The following CLSTN2 variants were observed in gnomAD, a reference collection of about 807,000 sequenced individuals.
The protein encoded by CLSTN2 is calsyntenin 2, also known as calsyntenin-2.
A neutral mutation model predicts 101.2 loss-of-function variants in CLSTN2; 48 were observed. That is an observed-to-expected ratio of 0.47 (90% CI 0.38 to 0.60). CLSTN2 has a LOEUF of 0.60. Ranked by LOEUF, CLSTN2 falls within the 20% of genes least tolerant of loss-of-function variation. The probability of loss-of-function intolerance (pLI) is 0.00; values close to 1 mark genes in which losing one functional copy is unlikely to be tolerated. For missense variants in CLSTN2, 1,160 were observed against 1,238.2 expected (o/e 0.94, Z 0.95); for synonymous variants, 481 against 463.6 (o/e 1.04, Z -0.48).
chr3:140,183,628 TC>T lies in CLSTN2; in HGVS notation c.232+7556del, dbSNP rs554201124. Among the ~76,000 whole-genome samples the T allele has an allele frequency of 2.4e-3, 360 of 152,296 alleles. 2 individuals are homozygous for T. The Middle Eastern group carries it at 0.024, about 10-fold the overall frequency. On this transcript the variant is annotated intron_variant, in intron 2 of 16. Transcript: ENST00000458420. ...TGCCCCTTCTTATAGATGGACACTGTCTCACTCCAGAGCCCATGGCTTGGCA... is the reference window on the plus strand; with the variant it reads ...TGCCCCTTCTTATAGATGGACACTGTTCACTCCAGAGCCCATGGCTTGGCA...
intron 1 of CLSTN2, among the ~76,000 whole-genome samples, chr3:140,047,087 T>A (rs1279441771): frequency 6.6e-6 from 1 of 152,216 alleles, no homozygotes; most frequent in Non-Finnish European, 1.5e-5. Flanking sequence ...TTGTGTCACA[T>A]ATTCTTCAAG....
rs1179597063 is a variant in CLSTN2 at position 140,239,849 on chromosome 3, T to TTATG, written c.232+63788_232+63791dup. 5.3e-5 allele frequency among the ~76,000 whole-genome samples: 8 copies of TTATG among 152,116 alleles called. No individual in the cohort carries two copies. In the East Asian group the frequency reaches 9.7e-4, roughly 18 times the overall value. On this transcript the variant is annotated intron_variant, in intron 2 of 16. Transcript: ENST00000458420. ...ATGATAAAATATGAAAAAATATACATTATGTATGTATGTATATATATCTGT... is the reference window on the plus strand; with the variant it reads ...ATGATAAAATATGAAAAAATATACATTATGTATGTATGTATGTATATATATCTGT...
At chr3:140,556,763 T>C (rs1935804857) in intron 11 of CLSTN2, 102 bp downstream of exon 11, 1 of 1,167,624 alleles carries the variant, frequency 8.6e-7, no homozygotes, top group African/African-American at 1.5e-5. Flanking sequence ...GGAGTTGCCT[T>C]TCGTCAGCTG....
At chr3:140,168,621 T>A (rs1188863940) in intron 1 of CLSTN2, among the ~76,000 whole-genome samples, 2 of 152,144 alleles carry the variant, frequency 1.3e-5, no homozygotes, top group Non-Finnish European at 2.9e-5. Context: ...AAAGGTTTTA[T>A]AATTTTGACT....
chr3:140,485,734 T>A (rs993715744), intron 8 of CLSTN2, among the ~76,000 whole-genome samples: 3 of 152,150 alleles, frequency 2.0e-5, no homozygotes, highest in Non-Finnish European at 1.5e-5. Context: ...TGAGGCTCCA[T>A]GGGCATAGGA....
At chr3:140,315,678 G>C (rs547902300) in intron 2 of CLSTN2, among the ~76,000 whole-genome samples, 62 of 152,304 alleles carry the variant, frequency 4.1e-4, no homozygotes, top group Middle Eastern at 3.4e-3. Context: ...ATGCTCCACA[G>C]AGTGGCTGTT....
chr3:140,079,156 T>TG (rs1406217662), intron 1 of CLSTN2, among the ~76,000 whole-genome samples: 4 of 152,162 alleles, frequency 2.6e-5, no homozygotes, highest in Admixed American at 2.6e-4. Context: ...ACATGGTGCC[T>TG]GGTAGGTTTC....
intron 2 of CLSTN2, among the ~76,000 whole-genome samples, chr3:140,300,043 C>T (rs2087043421): frequency 6.6e-6 from 1 of 152,190 alleles, no homozygotes; most frequent in Non-Finnish European, 1.5e-5. Context: ...CCCCTTGTTG[C>T]TCAGAAGCTA....
chr3:140,006,519 A>G (rs1259928198), intron 1 of CLSTN2, among the ~76,000 whole-genome samples: 2 of 152,070 alleles, frequency 1.3e-5, no homozygotes, highest in Non-Finnish European at 2.9e-5. Flanking sequence ...TCCACGCTTA[A>G]TCTCTCTGGC....
chr3:140,356,815 A>C (rs11716346), intron 2 of CLSTN2, among the ~76,000 whole-genome samples: 78,497 of 150,538 alleles, frequency 0.52, 21,292 homozygotes, highest in Non-Finnish European at 0.6. Context: ...ACAGTTCTAA[A>C]TTTTGTATTA....
chr3:140,122,275 A>T (rs796713242), intron 1 of CLSTN2, among the ~76,000 whole-genome samples: 1 of 152,190 alleles, frequency 6.6e-6, no homozygotes, highest in South Asian at 2.1e-4. Flanking sequence ...CTTTAACAGT[A>T]TGAATCTATT....
At chr3:140,547,804 T>G (rs555035282) in intron 10 of CLSTN2, among the ~76,000 whole-genome samples, 1 of 152,096 alleles carries the variant, frequency 6.6e-6, no homozygotes, top group Non-Finnish European at 1.5e-5. Flanking sequence ...CACTCAATCA[T>G]AGTGGACCCC....
At chr3:140,011,044 G>T (rs1257735224) in intron 1 of CLSTN2, among the ~76,000 whole-genome samples, 1 of 152,152 alleles carries the variant, frequency 6.6e-6, no homozygotes, top group Non-Finnish European at 1.5e-5. Context: ...CACCTGCAAA[G>T]GGGCATGTCA....
Position 139,935,518 on chromosome 3 carries a change from G to A in CLSTN2, c.109+35G>A. 9.2e-7 allele frequency: 1 copy of A among 1,092,182 alleles called. No homozygotes were observed. Among genetic ancestry groups the A allele is most frequent in the Non-Finnish European group, 1.2e-6 (1 of 859,822 alleles). 67.7% of individuals were successfully genotyped at this position (1,092,182 alleles called of 1,614,324 possible). On this transcript the variant is annotated intron_variant, in intron 1 of 16. Coordinates refer to ENST00000458420, the MANE Select transcript of CLSTN2 (RefSeq NM_022131.3). This position sits in a 1 kb window ranked among gnomAD's most constrained non-coding sequence, Gnocchi z 5.5. Reference sequence around the variant, plus strand: ...GGGGAAGTTTGCTCTTCTCCCAGGAGGGAGGCAGGGCAGGCTTGAGGGTGA... The same window carrying A: ...GGGGAAGTTTGCTCTTCTCCCAGGAAGGAGGCAGGGCAGGCTTGAGGGTGA...
intron 5 of CLSTN2, 22 bp from the exon 6 acceptor site, chr3:140,448,496 TC>T (rs764245782): frequency 6.3e-7 from 1 of 1,592,416 alleles, no homozygotes; most frequent in African/African-American, 1.3e-5. Context: ...GATTCACTTT[TC>T]ATCCTTTCCT....
chr3:140,566,265 C>T lies in CLSTN2; in HGVS notation c.*12C>T. On this transcript the variant is annotated 3_prime_UTR_variant, in exon 17 of 17. Transcript: ENST00000458420. ...CCCTCCCCTACTAGTGCCCAGGGGT[C>T]TGCTGCCTGGCCCACATGTCCCTTT... The T allele has an allele frequency of 6.4e-7, 1 of 1,554,386 alleles. No individual in the cohort carries two copies. The highest frequency in any genetic ancestry group is 1.4e-5 in the African/African-American group (1 of 73,388).
intron 2 of CLSTN2, among the ~76,000 whole-genome samples, chr3:140,234,123 T>C (rs567163518): frequency 1.3e-5 from 2 of 152,358 alleles, no homozygotes; most frequent in South Asian, 4.1e-4. Context: ...GATTCAAATA[T>C]GCAAGGCATA....
chr3:140,321,408 C>A (rs1576514768), intron 2 of CLSTN2, among the ~76,000 whole-genome samples: 2 of 152,192 alleles, frequency 1.3e-5, no homozygotes, highest in African/African-American at 2.4e-5. Flanking sequence ...CCCCTTGGAC[C>A]TTTGAAGCTC....
At chr3:140,021,612 C>T (rs937075943) in intron 1 of CLSTN2, among the ~76,000 whole-genome samples, 26 of 152,080 alleles carry the variant, frequency 1.7e-4, no homozygotes, top group African/African-American at 5.6e-4. Context: ...GTAATTTATG[C>T]TCCAGGAGCA....
Sources: gnomAD v4.1 joint callset for allele counts (sites outside exome capture counted in the v4.1 genomes callset) on GRCh38, gnomAD v4.1.1 for gene constraint, Gnocchi (gnomAD v3.1) non-coding constraint, MANE v1.5 for transcripts, NCBI Gene and HGNC (gene_info 2026-07-23, HGNC 2026-07-21) for gene names.